Variants in PPM1H observed in about 807,000 individuals in gnomAD.
PPM1H encodes protein phosphatase, Mg2+/Mn2+ dependent 1H.
In PPM1H, 27 loss-of-function variants were observed where a neutral mutation model predicts 54.9. That is an observed-to-expected ratio of 0.49 (90% CI 0.36 to 0.68). PPM1H has a LOEUF of 0.68. PPM1H is among the 30% of genes least tolerant of loss of function. The pLI is 0.00. For missense variants in PPM1H, 596 were observed against 667.8 expected, an observed-to-expected ratio of 0.89 and a Z score of 1.19; for synonymous variants, 305 against 270.8, an observed-to-expected ratio of 1.13 and a Z score of -1.24.
At chr12:62,896,994 A>C (rs1871011955) in intron 1 of PPM1H, among the ~76,000 whole-genome samples, 1 of 151,654 alleles carries the variant, frequency 6.6e-6, no homozygotes, top group South Asian at 2.1e-4. Context: ...GCAAACTATC[A>C]CAAGGACAGA....
At chr12:62,706,789 G>A (rs898419339) in intron 6 of PPM1H, among the ~76,000 whole-genome samples, 1 of 152,064 alleles carries the variant, frequency 6.6e-6, no homozygotes, top group Non-Finnish European at 1.5e-5. Context: ...AGATGCAAAA[G>A]AATGTTTAAT....
At chr12:62,806,997 T>C (rs1007050689) in intron 2 of PPM1H, among the ~76,000 whole-genome samples, 2 of 152,092 alleles carry the variant, frequency 1.3e-5, no homozygotes, top group African/African-American at 2.4e-5. Context: ...AGGCTGAGGA[T>C]GCATGGAAGT....
chr12:62,780,758 A>AG, intron 4 of PPM1H, among the ~76,000 whole-genome samples: 1 of 152,274 alleles, frequency 6.6e-6, no homozygotes, highest in Middle Eastern at 3.4e-3. Flanking sequence ...TACACATTAG[A>AG]TGATCAGGCC....
At chr12:62,761,886 C>G (rs1328078390) in intron 4 of PPM1H, among the ~76,000 whole-genome samples, 1 of 152,216 alleles carries the variant, frequency 6.6e-6, no homozygotes, top group African/African-American at 2.4e-5. Context: ...AGACTGACCT[C>G]TGCAGACTGG....
intron 7 of PPM1H, among the ~76,000 whole-genome samples, chr12:62,692,053 A>C (rs1306839780): frequency 2.6e-5 from 4 of 152,164 alleles, no homozygotes; most frequent in African/African-American, 9.7e-5. Flanking sequence ...GGTGTTACCC[A>C]CACCAGTCTT....
intron 5 of PPM1H, among the ~76,000 whole-genome samples, chr12:62,735,559 T>C (rs1008074102): frequency 6.6e-6 from 1 of 152,192 alleles, no homozygotes; most frequent in Non-Finnish European, 1.5e-5. Flanking sequence ...ACTGGTTCTA[T>C]ATCTCCCTTG....
intron 5 of PPM1H, among the ~76,000 whole-genome samples, chr12:62,734,871 C>T (rs1052108078): frequency 6.6e-6 from 1 of 151,988 alleles, no homozygotes; most frequent in African/African-American, 2.4e-5. Context: ...AGTGAGACCC[C>T]CCCATCTCTA....
chr12:62,735,319 C>T (rs182126546), intron 5 of PPM1H, among the ~76,000 whole-genome samples: 168 of 152,142 alleles, frequency 1.1e-3, no homozygotes, highest in Non-Finnish European at 1.9e-3. Context: ...TCAAGTGATC[C>T]TCCCACTTCG....
chr12:62,695,343 T>A (rs1011397116), intron 6 of PPM1H, among the ~76,000 whole-genome samples: 1 of 152,134 alleles, frequency 6.6e-6, no homozygotes, highest in African/African-American at 2.4e-5. Flanking sequence ...CTCAGGATCC[T>A]CATTAATCAA....
intron 4 of PPM1H, among the ~76,000 whole-genome samples, chr12:62,744,426 G>A (rs1215730623): frequency 6.8e-6 from 1 of 147,030 alleles, no homozygotes; most frequent in Non-Finnish European, 1.5e-5. Flanking sequence ...AGCCGAGGTT[G>A]CACCACTGCA....
chr12:62,823,125 A>G (rs1210841969), intron 2 of PPM1H, among the ~76,000 whole-genome samples: 1 of 152,202 alleles, frequency 6.6e-6, no homozygotes, highest in Non-Finnish European at 1.5e-5. Context: ...ACCTCTACAC[A>G]AATAAACTAG....
chr12:62,673,346 T>C (rs779611627), intron 8 of PPM1H, among the ~76,000 whole-genome samples: 11 of 152,226 alleles, frequency 7.2e-5, no homozygotes, highest in Non-Finnish European at 1.5e-4. Context: ...GGCTGCTGTT[T>C]CAGCGTTTGT....
rs456505 is a variant in PPM1H, at chr12:62,653,327, C to T, written c.1398-4691G>A. On this transcript the variant is annotated intron_variant, in intron 9 of 9. Coordinates refer to ENST00000228705, the MANE Select transcript of PPM1H (RefSeq NM_020700.2). Reference sequence around the variant, plus strand: ...ATTTTGTAGATATTCTCCATAAACTCTTATTAGATCTTATTTTACCTTGCA... The same window carrying T: ...ATTTTGTAGATATTCTCCATAAACTTTTATTAGATCTTATTTTACCTTGCA... 5.7e-4 allele frequency among the ~76,000 whole-genome samples: 86 copies of T among 152,182 alleles called. 1 individual carries two copies. Among genetic ancestry groups the T allele is most frequent in the Admixed American group, 2.6e-4 (4 of 15,274 alleles).
At chr12:62,659,827 G>A (rs1052581376) in intron 9 of PPM1H, among the ~76,000 whole-genome samples, 7 of 152,108 alleles carry the variant, frequency 4.6e-5, no homozygotes, top group African/African-American at 1.2e-4. Context: ...CCTTCTCACC[G>A]GCTTTGTTCC....
chr12:62,891,897 T>A (rs1389394584), intron 1 of PPM1H, among the ~76,000 whole-genome samples: 1 of 152,210 alleles, frequency 6.6e-6, no homozygotes, highest in East Asian at 1.9e-4. Flanking sequence ...AGTCATTTCT[T>A]CTTCAGTTTG....
At chr12:62,675,919 C>T (rs1325901213) in intron 8 of PPM1H, among the ~76,000 whole-genome samples, 1 of 152,218 alleles carries the variant, frequency 6.6e-6, no homozygotes, top group Admixed American at 6.5e-5. Flanking sequence ...GTCAATCCCG[C>T]TGATTGCAGT....
At chr12:62,765,290 G>C (rs1051997161) in intron 4 of PPM1H, among the ~76,000 whole-genome samples, 1 of 152,188 alleles carries the variant, frequency 6.6e-6, no homozygotes, top group Admixed American at 6.5e-5. Flanking sequence ...TGGGCACAGT[G>C]GGGTGGAGGC....
chr12:62,802,110 C>G lies in PPM1H; in HGVS notation c.462G>C (p.Ala154=), dbSNP rs751473016. The part of the protein sequence containing the change: ...CHYWSLFDGH[A]GSGAAVVASR... ...ACGCCACCACCGCGGCCCCGGACCC[C>G]GCGTGCCCGTCAAACAGCGACCAAT... is the stretch of plus-strand genomic sequence containing the variant. The change falls in exon 3 of 10, where the codon GCG becomes GCC. Residue 154 remains alanine, a synonymous_variant. Coordinates refer to ENST00000228705, the MANE Select transcript of PPM1H (RefSeq NM_020700.2). 3.8e-6 allele frequency: 6 copies of G among 1,599,190 alleles called. No homozygotes were observed. Among genetic ancestry groups the G allele is most frequent in the Non-Finnish European group, 5.1e-6 (6 of 1,172,278 alleles).
chr12:62,829,892 C>T (rs1485149675), intron 2 of PPM1H, among the ~76,000 whole-genome samples: 1 of 152,188 alleles, frequency 6.6e-6, no homozygotes, highest in East Asian at 1.9e-4. Context: ...ATCCCAGGGG[C>T]AGGGGGAAAA....
Sources: gnomAD v4.1 joint callset for allele counts (sites outside exome capture counted in the v4.1 genomes callset) on GRCh38, gnomAD v4.1.1 for gene constraint, MANE v1.5 for transcripts, NCBI Gene and HGNC (gene_info 2026-07-23, HGNC 2026-07-21) for gene names.